Variants in RAD51B observed in about 807,000 individuals in gnomAD.
RAD51B encodes RAD51 paralog B, also known as DNA repair protein RAD51 homolog 2.
Under a neutral mutation model 42.2 loss-of-function variants are expected in RAD51B, and 38 were observed. That is an observed-to-expected ratio of 0.90 (90% CI 0.70 to 1.18). The LOEUF (loss-of-function observed/expected upper bound fraction) is 1.18, where lower values mean the gene tolerates loss of function less well. RAD51B is among the 50% of genes most tolerant of loss of function. The pLI is 0.00. For synonymous variants in RAD51B, 154 were observed against 145.2 expected (o/e 1.06, Z -0.43); for missense variants, 373 against 400.7 (o/e 0.93, Z 0.59).
chr14:68,242,868 A>G (rs2080421446), intron 7 of RAD51B, among the ~76,000 whole-genome samples: 2 of 152,178 alleles, frequency 1.3e-5, no homozygotes, highest in South Asian at 4.1e-4. Context: ...CCTCTTAATT[A>G]TGGGATATGA....
intron 9 of RAD51B, among the ~76,000 whole-genome samples, chr14:68,416,110 AGCT>A (rs2084550637): frequency 1.3e-5 from 2 of 152,168 alleles, no homozygotes; most frequent in African/African-American, 4.8e-5. Flanking sequence ...ATATCACTCA[AGCT>A]GCTGATCCAC....
intron 7 of RAD51B, among the ~76,000 whole-genome samples, chr14:68,140,991 A>G (rs747169561): frequency 2.0e-5 from 3 of 152,208 alleles, no homozygotes; most frequent in Admixed American, 6.6e-5. Context: ...AAACTAGGAT[A>G]TTTTTGAAAG....
chr14:68,542,174 T>C (rs1188545154), intron 10 of RAD51B, among the ~76,000 whole-genome samples: 3 of 152,172 alleles, frequency 2.0e-5, no homozygotes, highest in Admixed American at 2.0e-4. Flanking sequence ...AATAAATATG[T>C]CAGGGGAGTT....
At chr14:68,085,333 G>C (rs1233772404) in intron 7 of RAD51B, among the ~76,000 whole-genome samples, 4 of 152,108 alleles carry the variant, frequency 2.6e-5, no homozygotes, top group African/African-American at 9.7e-5. Flanking sequence ...TAGTTTAATT[G>C]AAATCAAGGA....
At chr14:68,394,904 C>A (rs1284121832) in intron 8 of RAD51B, among the ~76,000 whole-genome samples, 5 of 152,196 alleles carry the variant, frequency 3.3e-5, no homozygotes, top group African/African-American at 7.2e-5. Flanking sequence ...CAGCCCCCCT[C>A]ACCCCCGCCT....
At chr14:68,643,355 G>T (rs1287398563) in intron 10 of RAD51B, among the ~76,000 whole-genome samples, 1 of 152,126 alleles carries the variant, frequency 6.6e-6, no homozygotes, top group Admixed American at 6.5e-5. Context: ...TGTTAGCATG[G>T]TATGTCTTTA....
intron 10 of RAD51B, among the ~76,000 whole-genome samples, chr14:68,486,069 A>G (rs1362872036): frequency 6.6e-6 from 1 of 152,224 alleles, no homozygotes; most frequent in Non-Finnish European, 1.5e-5. Context: ...AATGTATTCA[A>G]ATTTCAGTCT....
At chr14:67,879,499 G>T (rs1361192898) in intron 5 of RAD51B, among the ~76,000 whole-genome samples, 1 of 151,946 alleles carries the variant, frequency 6.6e-6, no homozygotes. Context: ...CTGGAGTGCA[G>T]TGACATGATC....
At chr14:68,074,631 G>GC (rs1488901692) in intron 7 of RAD51B, among the ~76,000 whole-genome samples, 2 of 152,150 alleles carry the variant, frequency 1.3e-5, no homozygotes, top group African/African-American at 4.8e-5. Flanking sequence ...GAGTTCTTGC[G>GC]TTGGTTCTTT....
At chr14:68,533,986 A>G (rs1051625218) in intron 10 of RAD51B, among the ~76,000 whole-genome samples, 7 of 152,140 alleles carry the variant, frequency 4.6e-5, no homozygotes, top group Non-Finnish European at 4.4e-5. Context: ...GATCATGGGT[A>G]AAGAGAAAAC....
chr14:68,012,735 G>A (rs1015410657), intron 7 of RAD51B, among the ~76,000 whole-genome samples: 8 of 152,062 alleles, frequency 5.3e-5, no homozygotes, highest in Non-Finnish European at 1.0e-4. Context: ...ATAACTTTTT[G>A]TGGTGCTTCT....
chr14:68,232,587 G>C (rs2080169705), intron 7 of RAD51B, among the ~76,000 whole-genome samples: 1 of 152,206 alleles, frequency 6.6e-6, no homozygotes, highest in African/African-American at 2.4e-5. Context: ...TTCTGAGCCA[G>C]TTCCAAAGTC....
intron 7 of RAD51B, among the ~76,000 whole-genome samples, chr14:68,130,940 C>T (rs1170407106): frequency 2.0e-5 from 3 of 151,670 alleles, no homozygotes; most frequent in African/African-American, 4.8e-5. Flanking sequence ...TTTTTTCATC[C>T]CTTAGGAAAA....
rs1250113626 is a variant in RAD51B, at chr14:68,252,144, C to T, written c.757-39740C>T. 3.9e-5 allele frequency among the ~76,000 whole-genome samples: 6 copies of T among 152,096 alleles called. No homozygotes were observed. In the East Asian group the frequency reaches 1.2e-3, roughly 29 times the overall value. The stretch of plus-strand genomic sequence containing the variant: ...TACAGCCTGCAGGAGTTGAGTATAC[C>T]TATAACCAGGCAGCTAAATTTTGAA... On this transcript the variant is annotated intron_variant, in intron 7 of 10. Coordinates refer to ENST00000471583, the MANE Select transcript of RAD51B (RefSeq NM_133510.4).
intron 7 of RAD51B, among the ~76,000 whole-genome samples, chr14:67,970,122 T>C (rs1566984740): frequency 6.6e-6 from 1 of 152,154 alleles, no homozygotes; most frequent in Non-Finnish European, 1.5e-5. Context: ...ATCTTTAGCA[T>C]GTAGTAGATT....
chr14:68,421,180 T>C (rs1045515536), intron 9 of RAD51B, among the ~76,000 whole-genome samples: 12 of 152,184 alleles, frequency 7.9e-5, no homozygotes, highest in African/African-American at 2.9e-4. Flanking sequence ...GGCATTTTCC[T>C]GTGATTCTGA....
In RAD51B at chr14:68,362,572, G is replaced by A. The variant is rs992629989; in HGVS notation, c.854-48852G>A. On this transcript the variant is annotated intron_variant, in intron 8 of 10. Transcript: ENST00000471583. ...ACCTGAAAGAAACATAACAGAGGCCGGGCGCAGTGGCTCACACCTGTAATC... is the reference window on the plus strand; with the variant it reads ...ACCTGAAAGAAACATAACAGAGGCCAGGCGCAGTGGCTCACACCTGTAATC... 2.6e-5 allele frequency among the ~76,000 whole-genome samples: 4 copies of A among 152,066 alleles called. No individual in the cohort carries two copies. The East Asian group carries it at 7.7e-4, about 29-fold the overall frequency.
intron 8 of RAD51B, among the ~76,000 whole-genome samples, chr14:68,295,821 T>G (rs531122771): frequency 5.3e-5 from 8 of 152,166 alleles, no homozygotes; most frequent in Non-Finnish European, 8.8e-5. Flanking sequence ...GAGCACTGTT[T>G]AAGCAGTGTA....
intron 8 of RAD51B, among the ~76,000 whole-genome samples, chr14:68,375,065 A>T (rs1055954056): frequency 6.6e-6 from 1 of 151,914 alleles, no homozygotes; most frequent in Non-Finnish European, 1.5e-5. Context: ...TGACACAGTC[A>T]TGGTTTGTAA....
Sources: allele counts gnomAD v4.1 joint callset (sites outside exome capture counted in the v4.1 genomes callset), GRCh38; gene constraint gnomAD v4.1.1; transcripts MANE v1.5; gene names NCBI Gene and HGNC (gene_info 2026-07-23, HGNC 2026-07-21).